Variants in TXNDC16 observed in about 807,000 individuals in gnomAD.
TXNDC16 encodes thioredoxin domain-containing protein 16.
In TXNDC16, 74 loss-of-function variants were observed where a neutral mutation model predicts 85.6. The ratio of observed to expected loss-of-function variants is 0.86; its 90% CI spans 0.72 to 1.05. TXNDC16 has a LOEUF of 1.05. Ranked by LOEUF, TXNDC16 falls within the 50% of genes least tolerant of loss-of-function variation. The pLI is 0.00. For synonymous variants in TXNDC16, 335 were observed against 326.5 expected, an observed-to-expected ratio of 1.03 and a Z score of -0.28; for missense variants, 959 against 947.0, an observed-to-expected ratio of 1.01 and a Z score of -0.17.
intron 9 of TXNDC16, among the ~76,000 whole-genome samples, chr14:52,501,335 A>G (rs957104741): frequency 1.3e-5 from 2 of 152,226 alleles, no homozygotes; most frequent in African/African-American, 2.4e-5. Flanking sequence ...AAGTGAACTA[A>G]TAATACATAT....
intron 18 of TXNDC16, among the ~76,000 whole-genome samples, chr14:52,449,549 G>A (rs1427305929): frequency 6.6e-6 from 1 of 152,058 alleles, no homozygotes; most frequent in Non-Finnish European, 1.5e-5. Context: ...CTTCTTGACA[G>A]GAAATCCGCA....
intron 12 of TXNDC16, among the ~76,000 whole-genome samples, chr14:52,486,584 G>A (rs969855041): frequency 6.6e-6 from 1 of 151,742 alleles, no homozygotes; most frequent in African/African-American, 2.4e-5. Context: ...GATTTTCTCT[G>A]GGGTGCACCT....
intron 4 of TXNDC16, 145 bp from the exon 5 acceptor site, chr14:52,537,817 A>T: frequency 3.4e-6 from 2 of 580,578 alleles, no homozygotes; most frequent in East Asian, 2.9e-5. Flanking sequence ...GTATGCTATA[A>T]TTGTTCACAT....
At chr14:52,463,571 G>A (rs1953062459) in intron 16 of TXNDC16, among the ~76,000 whole-genome samples, 1 of 152,220 alleles carries the variant, frequency 6.6e-6, no homozygotes, top group South Asian at 2.1e-4. Context: ...TGAAGAAATA[G>A]CTGGATTGGT....
chr14:52,434,795 A>G (rs1039328172), intron 20 of TXNDC16, among the ~76,000 whole-genome samples: 2 of 152,212 alleles, frequency 1.3e-5, no homozygotes, highest in African/African-American at 4.8e-5. Context: ...TCCAATACAC[A>G]GAGACTGTTC....
intron 3 of TXNDC16, 139 bp downstream of exon 3, chr14:52,543,259 T>C (rs370474544): frequency 1.0e-6 from 1 of 953,184 alleles, no homozygotes; most frequent in South Asian, 1.9e-5. Flanking sequence ...CGGGCCGGAT[T>C]CAAACCCAGT....
At position 52,519,173 on chromosome 14, in the gene TXNDC16, T is replaced by C. The variant is rs1476203389; in HGVS notation, c.513A>G (p.Pro171=). 6.2e-7 allele frequency: 1 copy of C among 1,608,318 alleles called. No individual in the cohort carries two copies. The highest frequency in any genetic ancestry group is 8.5e-7 in the Non-Finnish European group (1 of 1,177,658). The change falls in exon 7 of 21, where the codon CCA becomes CCG. Residue 171 remains proline, a splice_region_variant and synonymous_variant. Transcript: ENST00000281741. ...IFSYVRAIGI[P]EHRAVMEAAF... is the part of the protein sequence containing the mutation. ...ATTAAAGCAAAAGTTAAAGAATACC[T>C]GGTATTCCAATGGCTCTTACATATG...
At chr14:52,530,498 A>AT (rs1209246377) in intron 6 of TXNDC16, among the ~76,000 whole-genome samples, 1 of 26,012 alleles carries the variant, frequency 3.8e-5, no homozygotes, top group African/African-American at 1.4e-4. Flanking sequence ...TATATATAAT[A>AT]ATATAATATA....
At chr14:52,453,041 C>CA (rs910451109) in intron 18 of TXNDC16, among the ~76,000 whole-genome samples, 12 of 152,112 alleles carry the variant, frequency 7.9e-5, no homozygotes, top group African/African-American at 2.9e-4. Flanking sequence ...AGACATTTCT[C>CA]AAAAAAATAC....
At chr14:52,502,363 C>T (rs2036678311) in intron 9 of TXNDC16, among the ~76,000 whole-genome samples, 1 of 152,196 alleles carries the variant, frequency 6.6e-6, no homozygotes, top group Non-Finnish European at 1.5e-5. Flanking sequence ...TTTGAGTGAA[C>T]AGTGGTTAGA....
intron 12 of TXNDC16, among the ~76,000 whole-genome samples, chr14:52,487,233 G>C (rs1470183580): frequency 1.3e-5 from 2 of 152,138 alleles, no homozygotes; most frequent in African/African-American, 4.8e-5. Context: ...CTCCAGAGAG[G>C]AACACAAGCA....
intron 14 of TXNDC16, 146 bp downstream of exon 14, chr14:52,482,084 A>G (rs1352985322): frequency 4.8e-6 from 3 of 630,152 alleles, no homozygotes; most frequent in Non-Finnish European, 5.2e-6. Flanking sequence ...CACTCTTGAA[A>G]CTCCTGGTTC....
intron 19 of TXNDC16, among the ~76,000 whole-genome samples, chr14:52,440,010 G>C (rs764579674): frequency 1.3e-5 from 2 of 152,114 alleles, no homozygotes; most frequent in Non-Finnish European, 2.9e-5. Context: ...AGAATGCACT[G>C]TTAAACTCTT....
At chr14:52,433,092 G>A (rs1216088341) in intron 20 of TXNDC16, among the ~76,000 whole-genome samples, 1 of 152,042 alleles carries the variant, frequency 6.6e-6, no homozygotes, top group Non-Finnish European at 1.5e-5. Context: ...AGCATTTTCT[G>A]TTCTTGAAGC....
intron 16 of TXNDC16, among the ~76,000 whole-genome samples, chr14:52,469,325 T>C (rs1161164187): frequency 6.6e-6 from 1 of 150,600 alleles, no homozygotes; most frequent in Non-Finnish European, 1.5e-5. Context: ...CCAGCCTAGG[T>C]GACAGAGCAA....
chr14:52,456,033 C>G (rs1233464102), intron 17 of TXNDC16, among the ~76,000 whole-genome samples: 1 of 152,084 alleles, frequency 6.6e-6, no homozygotes, highest in Non-Finnish European at 1.5e-5. Context: ...AAACAAGAGC[C>G]CAAATCCACC....
Position 52,515,681 on chromosome 14 carries a change from G to A in TXNDC16, c.515-711C>T, listed in dbSNP as rs985063409. Among the ~76,000 whole-genome samples, 656 of 149,656 alleles carry A rather than the reference G, an allele frequency of 4.4e-3. 9 individuals carry two copies. Among genetic ancestry groups the A allele is most frequent in the African/African-American group, 0.015 (595 of 40,700 alleles). On this transcript the variant is annotated intron_variant, in intron 7 of 20. Transcript: ENST00000281741. ...TTATTTCATACATATGTGTGTGTGT[G>A]TGTGTGTGTGTGTGTGTGTGTGTGT...
At chr14:52,458,513 T>C (rs1314106944) in intron 16 of TXNDC16, among the ~76,000 whole-genome samples, 2 of 152,190 alleles carry the variant, frequency 1.3e-5, no homozygotes, top group East Asian at 3.9e-4. Context: ...GCTGAGATCA[T>C]GCCAGCCTGG....
At chr14:52,442,104 G>A (rs957110678) in intron 18 of TXNDC16, among the ~76,000 whole-genome samples, 1 of 152,186 alleles carries the variant, frequency 6.6e-6, no homozygotes, top group African/African-American at 2.4e-5. Context: ...ATTTTAAAAT[G>A]TATTTGTAGA....
Sources: gnomAD v4.1 joint callset for allele counts (sites outside exome capture counted in the v4.1 genomes callset) on GRCh38, gnomAD v4.1.1 for gene constraint, MANE v1.5 for transcripts, NCBI Gene and HGNC (gene_info 2026-07-23, HGNC 2026-07-21) for gene names.